CCDC85A: variants seen among roughly 807,000 people sequenced by gnomAD.
The protein encoded by CCDC85A is coiled-coil domain-containing protein 85A.
In CCDC85A, 38 loss-of-function variants were observed where a neutral mutation model predicts 50.2. That is an observed-to-expected ratio of 0.76 (90% CI 0.58 to 0.99). CCDC85A has a LOEUF of 0.99. Ranked by LOEUF, CCDC85A falls within the 50% of genes least tolerant of loss-of-function variation. The pLI, the probability that CCDC85A is intolerant of heterozygous loss-of-function variation, is 0.00. For missense variants in CCDC85A, 820 were observed against 742.0 expected (o/e 1.11, Z -1.22); for synonymous variants, 366 against 301.4 (o/e 1.21, Z -2.22).
intron 2 of CCDC85A, among the ~76,000 whole-genome samples, chr2:56,199,954 C>T (rs1299165604): frequency 3.9e-5 from 6 of 152,188 alleles, no homozygotes; most frequent in Admixed American, 2.6e-4. Flanking sequence ...CTGCAACCTC[C>T]GACTCCCTGG....
At chr2:56,216,467 G>T (rs528102331) in intron 2 of CCDC85A, among the ~76,000 whole-genome samples, 1 of 151,638 alleles carries the variant, frequency 6.6e-6, no homozygotes, top group African/African-American at 2.4e-5. Flanking sequence ...GTTTTAATTT[G>T]TTCCTTCCTG....
intron 2 of CCDC85A, among the ~76,000 whole-genome samples, chr2:56,240,276 G>C (rs949378639): frequency 6.6e-6 from 1 of 152,084 alleles, no homozygotes; most frequent in African/African-American, 2.4e-5. Context: ...TCAGCCTCCT[G>C]TGATCAATCA....
intron 2 of CCDC85A, among the ~76,000 whole-genome samples, chr2:56,278,432 C>T (rs557363644): frequency 2.8e-4 from 42 of 152,198 alleles, no homozygotes; most frequent in Non-Finnish European, 4.0e-4. Flanking sequence ...CACTTTTAGA[C>T]GCATAGCAAA....
At chr2:56,361,852 C>T (rs1360793119) in intron 3 of CCDC85A, among the ~76,000 whole-genome samples, 1 of 152,162 alleles carries the variant, frequency 6.6e-6, no homozygotes, top group African/African-American at 2.4e-5. Flanking sequence ...AAGGATCAGT[C>T]TCCATGTTGG....
At chr2:56,236,892 A>T (rs1402670810) in intron 2 of CCDC85A, among the ~76,000 whole-genome samples, 1 of 152,264 alleles carries the variant, frequency 6.6e-6, no homozygotes, top group Non-Finnish European at 1.5e-5. Context: ...AAGGTATTAG[A>T]TTGTCTTTCA....
intron 2 of CCDC85A, among the ~76,000 whole-genome samples, chr2:56,326,037 C>A (rs62164364): frequency 0.1 from 15,285 of 152,100 alleles, 979 homozygotes; most frequent in East Asian, 0.32. Flanking sequence ...GGGTTTAAAT[C>A]AAGCAGACTT....
chr2:56,269,602 A>T, intron 2 of CCDC85A, among the ~76,000 whole-genome samples: 1 of 152,142 alleles, frequency 6.6e-6, no homozygotes, highest in East Asian at 1.9e-4. Flanking sequence ...GAGAAAGGGT[A>T]TGGCACTTTC....
intron 2 of CCDC85A, among the ~76,000 whole-genome samples, chr2:56,208,665 T>C (rs1000957007): frequency 6.6e-6 from 1 of 152,060 alleles, no homozygotes; most frequent in African/African-American, 2.4e-5. Context: ...ACAGTGATTT[T>C]ATAGGCTTCA....
chr2:56,238,117 C>G (rs10188465), intron 2 of CCDC85A, among the ~76,000 whole-genome samples: 85,315 of 151,966 alleles, frequency 0.56, 24,422 homozygotes, highest in African/African-American at 0.66. Context: ...TACTGCCAGA[C>G]GGTAGCAGGA....
intron 5 of CCDC85A, among the ~76,000 whole-genome samples, chr2:56,381,420 C>T (rs191855000): frequency 6.6e-6 from 1 of 152,088 alleles, no homozygotes; most frequent in East Asian, 1.9e-4. Context: ...GGTCATTCTC[C>T]AGTGTTTGTC....
chr2:56,245,738 C>T (rs1450632518), intron 2 of CCDC85A, among the ~76,000 whole-genome samples: 1 of 152,078 alleles, frequency 6.6e-6, no homozygotes, highest in East Asian at 1.9e-4. Flanking sequence ...GGTGGGGTCT[C>T]TAAGAGGTGA....
chr2:56,291,325 C>T (rs1298243086), intron 2 of CCDC85A, among the ~76,000 whole-genome samples: 2 of 152,150 alleles, frequency 1.3e-5, no homozygotes, highest in Admixed American at 6.5e-5. Flanking sequence ...AGGAGACAGG[C>T]ACTGTGCTGG....
At chr2:56,342,254 A>G (rs1029064455) in intron 2 of CCDC85A, among the ~76,000 whole-genome samples, 2 of 151,790 alleles carry the variant, frequency 1.3e-5, no homozygotes, top group Non-Finnish European at 2.9e-5. Context: ...AATACTAAAC[A>G]TTTAAGAAAG....
intron 3 of CCDC85A, among the ~76,000 whole-genome samples, chr2:56,361,137 C>T (rs1675502769): frequency 6.6e-6 from 1 of 152,094 alleles, no homozygotes; most frequent in Non-Finnish European, 1.5e-5. Context: ...GCCTGTAGTC[C>T]CAGCTACTCG....
intron 2 of CCDC85A, among the ~76,000 whole-genome samples, chr2:56,292,867 G>A (rs1573191944): frequency 1.3e-5 from 2 of 152,146 alleles, no homozygotes; most frequent in Non-Finnish European, 2.9e-5. Flanking sequence ...ATGAGATAGT[G>A]TGCAAACCTA....
chr2:56,236,706 T>TA (rs1669030164), intron 2 of CCDC85A, among the ~76,000 whole-genome samples: 1 of 152,188 alleles, frequency 6.6e-6, no homozygotes, highest in South Asian at 2.1e-4. Context: ...GCATTAGACT[T>TA]ACCTAGTGGA....
At chr2:56,268,144 G>A (rs1280499372) in intron 2 of CCDC85A, among the ~76,000 whole-genome samples, 1 of 152,152 alleles carries the variant, frequency 6.6e-6, no homozygotes, top group African/African-American at 2.4e-5. Context: ...TTAACATTAA[G>A]TAAGATCAAG....
intron 3 of CCDC85A, among the ~76,000 whole-genome samples, chr2:56,368,687 A>G (rs13414902): frequency 0.025 from 3,743 of 152,186 alleles, 128 homozygotes; most frequent in African/African-American, 0.083. Context: ...TGGGGTCTCA[A>G]ATTTGTTATA....
intron 2 of CCDC85A, among the ~76,000 whole-genome samples, chr2:56,256,496 T>TATAAAG: frequency 6.6e-6 from 1 of 152,302 alleles, no homozygotes; most frequent in South Asian, 2.1e-4. Context: ...AAAATTCAAT[T>TATAAAG]ATAAAGTAGT....
Sources: gnomAD v4.1 joint callset for allele counts (sites outside exome capture counted in the v4.1 genomes callset) on GRCh38, gnomAD v4.1.1 for gene constraint, MANE v1.5 for transcripts, NCBI Gene and HGNC (gene_info 2026-07-23, HGNC 2026-07-21) for gene names.